ATP5F1D: variants seen among roughly 807,000 people sequenced by gnomAD.
The protein encoded by ATP5F1D is ATP synthase F1 subunit delta.
Under a neutral mutation model 13.0 loss-of-function variants are expected in ATP5F1D, and 16 were observed. The ratio of observed to expected loss-of-function variants is 1.23; its 90% CI spans 0.83 to 1.87. The LOEUF is 1.87. Ranked by LOEUF, ATP5F1D falls within the 40% of genes most tolerant of loss-of-function variation. The pLI is 0.00. For missense variants in ATP5F1D, 294 were observed against 246.2 expected (o/e 1.19, Z -1.30); for synonymous variants, 129 against 116.2 (o/e 1.11, Z -0.71).
intron 2 of ATP5F1D, 147 bp downstream of exon 2, chr19:1,242,756 G>A (rs2081044147): frequency 1.4e-5 from 14 of 1,004,968 alleles, no homozygotes; most frequent in East Asian, 3.2e-5. Context: ...TTGGGAGGCC[G>A]AGGCAGGTGG....
In ATP5F1D at chr19:1,241,896, G is replaced by C. The variant is rs112485896; in HGVS notation, c.46G>C (p.Val16Leu). The C allele has an allele frequency of 4.7e-5, 69 of 1,457,584 alleles. No individual in the cohort carries two copies. The highest frequency in any genetic ancestry group is 3.5e-4 in the African/African-American group (24 of 68,502). The allele number at this position is 1,457,584 out of a possible 1,614,324, so 90.3% of individuals were successfully genotyped here. ...CCGCCGCCCGGGACTTGGCCGCCTC[G>C]TCCGCCACGCCCGTGCCTATGCCGA... ...LLRRPGLGRL[V>L]RHARAYAEAA... Residue 16 changes from valine (V) to leucine (L), a missense_variant, in exon 1 of 4, where the codon GTC (valine) becomes CTC (leucine). By Grantham distance (32) the Val-to-Leu change is conservative (BLOSUM62 1). Coordinates refer to ENST00000215375, the MANE Select transcript of ATP5F1D (RefSeq NM_001687.5).
At chr19:1,244,284 T>C in intron 3 of ATP5F1D, 31 bp from the exon 4 acceptor site, 1 of 1,584,018 alleles carries the variant, frequency 6.3e-7, no homozygotes, top group South Asian at 1.1e-5. Flanking sequence ...GGGTCGCTGC[T>C]GGCCCCTCAC....
chr19:1,244,825 ACTGTGTGC>A, downstream of ATP5F1D: 1 of 237,292 alleles, frequency 4.2e-6, no homozygotes, highest in Non-Finnish European at 8.5e-6. Context: ...CGGAAGCCTG[ACTGTGTGC>A]TCGGCTCTTG....
rs1486299976 is a variant in ATP5F1D at position 1,244,822 on chromosome 19, C to G, written c.*385C>G. 2 of 243,098 alleles carry G rather than the reference C, an allele frequency of 8.2e-6. No homozygotes were observed. The highest frequency in any genetic ancestry group is 1.0e-4 in the Admixed American group (2 of 19,514). The allele number at this position is 243,098 out of a possible 1,614,324, so 15.1% of individuals were successfully genotyped here. A position where few individuals can be genotyped will look rare whatever the true frequency, so the allele number is the denominator to read the frequency against. On this transcript the variant is annotated 3_prime_UTR_variant, in exon 4 of 4. Transcript: ENST00000215375. ...CCCGCCCCATTAAAGACCCGGAAGC[C>G]TGACTGTGTGCTCGGCTCTTGTTCC...
intron 1 of ATP5F1D, 136 bp from the exon 2 acceptor site, chr19:1,242,320 C>G: frequency 8.9e-7 from 1 of 1,124,078 alleles, no homozygotes; most frequent in South Asian, 2.3e-5. Flanking sequence ...ACTTCGGATC[C>G]CTGCGCTGGG....
chr19:1,243,905 G>C (rs1379858019), intron 2 of ATP5F1D, among the ~76,000 whole-genome samples, 192 bp from the exon 3 acceptor site: 2 of 152,188 alleles, frequency 1.3e-5, no homozygotes, highest in Non-Finnish European at 2.9e-5. Context: ...CCCCTGTTTT[G>C]TTCTTCTCTA....
At position 1,243,969 on chromosome 19, in the gene ATP5F1D, C is replaced by T. The variant is rs921250558; in HGVS notation, c.296-128C>T. ...CCAGTCCTGTGGGTCTGTTTGCACACTCAGGACACAGACTTGGATGTTTGT... is the reference window on the plus strand; with the variant it reads ...CCAGTCCTGTGGGTCTGTTTGCACATTCAGGACACAGACTTGGATGTTTGT... On this transcript the variant is annotated intron_variant, in intron 2 of 3. Transcript: ENST00000215375. The T allele has an allele frequency of 7.1e-6, 7 of 982,178 alleles. No homozygotes were observed. In the East Asian group the frequency reaches 1.9e-4, roughly 26 times the overall value. 60.8% of individuals were successfully genotyped at this position (982,178 alleles called of 1,614,324 possible). A position where few individuals can be genotyped will look rare whatever the true frequency, so the allele number is the denominator to read the frequency against.
intron 1 of ATP5F1D, 65 bp downstream of exon 1, chr19:1,242,056 C>T (rs2145471336): frequency 3.1e-6 from 4 of 1,307,842 alleles, no homozygotes; most frequent in Middle Eastern, 2.5e-4. Flanking sequence ...TCCCCACCCC[C>T]AGGGCGCGAC....
At chr19:1,244,282 G>T in intron 3 of ATP5F1D, 33 bp from the exon 4 acceptor site, 1 of 1,583,246 alleles carries the variant, frequency 6.3e-7, no homozygotes, top group South Asian at 1.1e-5. Flanking sequence ...TGGGGTCGCT[G>T]CTGGCCCCTC....
rs753537314 is a variant in ATP5F1D, at chr19:1,244,150, G to T, written c.349G>T (p.Glu117Ter). The T allele has an allele frequency of 6.2e-7, 1 of 1,612,322 alleles. No individual in the cohort carries two copies. Among genetic ancestry groups the T allele is most frequent in the Non-Finnish European group, 8.5e-7 (1 of 1,179,356 alleles). Residue 117 changes from glutamate (E) to a stop codon, truncating the protein, a stop_gained, in exon 3 of 4, where the codon GAA (glutamate) becomes TAA (stop). Coordinates refer to ENST00000215375, the MANE Select transcript of ATP5F1D (RefSeq NM_001687.5). LOFTEE classifies it low-confidence loss of function (END_TRUNC). ...CGACTCTTCGGTGCAGTTGTTGGCC[G>T]AAGAGGCCGTGACGCTGGACATGTT... is the stretch of plus-strand genomic sequence containing the variant. ...NADSSVQLLAEEAVTLDMLDL... is the reference protein window; with the variant it reads ...NADSSVQLLA
Position 1,244,580 on chromosome 19 carries a change from T to G in ATP5F1D, c.*143T>G. On this transcript the variant is annotated 3_prime_UTR_variant, in exon 4 of 4. Transcript: ENST00000215375. ...CCAGAGGGCAGTGCAGGCTTCTGCC[T>G]GGGCCCCAGGCCCTGCCTGTGTTGA... is the stretch of plus-strand genomic sequence containing the variant. 1 of 1,300,538 alleles carries G rather than the reference T, an allele frequency of 7.7e-7. No individual in the cohort carries two copies. Among genetic ancestry groups the G allele is most frequent in the East Asian group, 2.5e-5 (1 of 39,250 alleles). The allele number at this position is 1,300,538 out of a possible 1,614,324, so 80.6% of individuals were successfully genotyped here.
In ATP5F1D at chr19:1,244,087, A is replaced by AT; in HGVS notation, c.296-8dup. ...GGGTCTCACGCCTTCCCCCCGCCCC[A>AT]TTCCCCCAGTGAGCAGCGGTTCCAT... On this transcript the variant is annotated splice_polypyrimidine_tract_variant and intron_variant, in intron 2 of 3. Transcript: ENST00000215375. 5 of 1,606,918 alleles carry AT rather than the reference A, an allele frequency of 3.1e-6. No homozygotes were observed. The highest frequency in any genetic ancestry group is 3.4e-6 in the Non-Finnish European group (4 of 1,176,642).
chr19:1,242,079 GCCCCCGGA>G (rs2081040236), intron 1 of ATP5F1D, 88 bp downstream of exon 1: 1 of 1,266,270 alleles, frequency 7.9e-7, no homozygotes, highest in Non-Finnish European at 1.0e-6. Flanking sequence ...CCGCTTCCGG[GCCCCCGGA>G]CCCGCGCGCC....
In ATP5F1D at chr19:1,242,317, A is replaced by G. The variant is rs1013497023; in HGVS notation, c.142-139A>G. 4.6e-6 allele frequency: 5 copies of G among 1,098,750 alleles called. No homozygotes were observed. In the East Asian group the frequency reaches 1.6e-4, roughly 35 times the overall value. 68.1% of individuals were successfully genotyped at this position (1,098,750 alleles called of 1,614,324 possible). On this transcript the variant is annotated intron_variant, in intron 1 of 3. Transcript: ENST00000215375. The stretch of plus-strand genomic sequence containing the variant: ...TTGAGGACCAAAGCTGCAACTTCGG[A>G]TCCCTGCGCTGGGTTGTCTCAGTGC...
chr19:1,242,712 G>T, intron 2 of ATP5F1D, 103 bp downstream of exon 2: 1 of 1,337,956 alleles, frequency 7.5e-7, no homozygotes. Context: ...GTTTTAGGCC[G>T]GGCACGGTGG....
chr19:1,244,113 C>G lies in ATP5F1D; in HGVS notation c.312C>G (p.Ile104Met), dbSNP rs143121586. 1.2e-6 allele frequency: 2 copies of G among 1,611,064 alleles called. No individual in the cohort carries two copies. Among genetic ancestry groups the G allele is most frequent in the Admixed American group, 1.7e-5 (1 of 59,878 alleles). The change falls in exon 3 of 4, where the codon ATC becomes ATG. Residue 104 changes from isoleucine to methionine, a missense_variant. Transcript: ENST00000215375. Reference protein sequence around the residue: ...TSKYFVSSGSIAVNADSSVQL... With the variant: ...TSKYFVSSGSMAVNADSSVQL... ...TTCCCCCAGTGAGCAGCGGTTCCAT[C>G]GCAGTGAACGCCGACTCTTCGGTGC...
At chr19:1,243,338 T>A (rs2081047072) in intron 2 of ATP5F1D, 1 of 152,126 alleles carries the variant, frequency 6.6e-6, no homozygotes, top group Non-Finnish European at 1.5e-5. Context: ...GGCAACATAG[T>A]GAGACCCTGT....
At position 1,242,196 on chromosome 19, in the gene ATP5F1D, C is replaced by T. The variant is rs1051234757; in HGVS notation, c.141+205C>T. Reference sequence around the variant, plus strand: ...CCGGGCACCTCCCCGAGATAAGCGTCTCCTGGGTGCCCTCCCCGATCTCCC... The same window carrying T: ...CCGGGCACCTCCCCGAGATAAGCGTTTCCTGGGTGCCCTCCCCGATCTCCC... On this transcript the variant is annotated intron_variant, in intron 1 of 3. Transcript: ENST00000215375. The T allele has an allele frequency of 6.2e-5, 50 of 804,074 alleles. No individual in the cohort carries two copies. The African/African-American group carries it at 7.6e-4, about 12-fold the overall frequency. 49.8% of individuals were successfully genotyped at this position (804,074 alleles called of 1,614,324 possible). A position where few individuals can be genotyped will look rare whatever the true frequency, so the allele number is the denominator to read the frequency against.
chr19:1,244,344 G>A lies in ATP5F1D; in HGVS notation c.414G>A (p.Gln138=). Residue 138 remains glutamine, a synonymous_variant, in exon 4 of 4, where the codon CAG becomes CAA. Transcript: ENST00000215375. ...CCAAGGCAAACTTGGAGAAGGCCCA[G>A]GCGGAGCTGGTGGGGACAGCTGACG... ...GAAKANLEKA[Q]AELVGTADEA... The A allele has an allele frequency of 6.3e-7, 1 of 1,591,770 alleles. No individual in the cohort carries two copies. The highest frequency in any genetic ancestry group is 1.3e-5 in the African/African-American group (1 of 74,782).
Sources: gnomAD v4.1 joint callset for allele counts (sites outside exome capture counted in the v4.1 genomes callset) on GRCh38, gnomAD v4.1.1 for gene constraint, MANE v1.5 for transcripts, NCBI Gene and HGNC (gene_info 2026-07-23, HGNC 2026-07-21) for gene names.